Variants in COL11A1 observed in about 807,000 individuals in gnomAD.
COL11A1 encodes collagen type XI alpha 1 chain.
In COL11A1, 74 loss-of-function variants were observed where a neutral mutation model predicts 265.2. The observed-to-expected ratio is 0.28, with a 90% CI of 0.23 to 0.34. The LOEUF (loss-of-function observed/expected upper bound fraction) is 0.34, where lower values mean the gene tolerates loss of function less well. Among genes scored for constraint, COL11A1 ranks in the 10% least tolerant of loss-of-function variants. The probability of loss-of-function intolerance (pLI) is 1.00; values close to 1 mark genes in which losing one functional copy is unlikely to be tolerated. For missense variants in COL11A1, 2,165 were observed against 2,263.6 expected, an observed-to-expected ratio of 0.96 and a Z score of 0.88; for synonymous variants, 816 against 727.6, an observed-to-expected ratio of 1.12 and a Z score of -1.96.
intron 41 of COL11A1, among the ~76,000 whole-genome samples, chr1:102,950,557 A>G (rs1437485717): frequency 6.6e-6 from 1 of 151,704 alleles, no homozygotes; most frequent in Admixed American, 6.6e-5. Context: ...TTTTTACTTT[A>G]TATCTTAGCA....
intron 36 of COL11A1, among the ~76,000 whole-genome samples, chr1:102,970,737 C>T (rs190511697): frequency 7.2e-4 from 110 of 152,062 alleles, no homozygotes; most frequent in Middle Eastern, 3.4e-3. Context: ...AAAAGAAGGC[C>T]GGGCAGGGTG....
chr1:103,064,689 CAAAAAAAAAAGAAAAA>C (rs1308597384), intron 4 of COL11A1, among the ~76,000 whole-genome samples: 1 of 42,850 alleles, frequency 2.3e-5, no homozygotes, highest in Non-Finnish European at 4.9e-5. Context: ...GACTCCATCT[CAAAAAAAAAAGAAAAA>C]AAAAAAAAAA....
intron 1 of COL11A1, among the ~76,000 whole-genome samples, chr1:103,084,706 G>T (rs1672717650): frequency 1.3e-5 from 2 of 151,970 alleles, no homozygotes; most frequent in South Asian, 4.1e-4. Flanking sequence ...TGCAGTTCAA[G>T]TATTATTTTA....
intron 4 of COL11A1, among the ~76,000 whole-genome samples, chr1:103,063,901 T>C (rs527962143): frequency 6.2e-4 from 94 of 152,324 alleles, no homozygotes; most frequent in African/African-American, 2.2e-3. Context: ...ACAAATATGT[T>C]GAACACCTCA....
intron 3 of COL11A1, among the ~76,000 whole-genome samples, chr1:103,076,567 G>A (rs906777832): frequency 2.6e-5 from 4 of 152,000 alleles, no homozygotes; most frequent in Admixed American, 1.3e-4. Context: ...CACCCAGGCA[G>A]GATTGTTCTT....
At chr1:103,091,838 G>A (rs1240263618) in intron 1 of COL11A1, among the ~76,000 whole-genome samples, 1 of 151,970 alleles carries the variant, frequency 6.6e-6, no homozygotes, top group African/African-American at 2.4e-5. Context: ...GCACCAAACT[G>A]AGAATGACAT....
rs1361529219 is a variant in COL11A1, at chr1:103,001,961, A to G, written c.2106T>C (p.Pro702=). The G allele has an allele frequency of 6.2e-7, 1 of 1,613,030 alleles. No individual in the cohort carries two copies. Among genetic ancestry groups the G allele is most frequent in the Non-Finnish European group, 8.5e-7 (1 of 1,179,156 alleles). The part of the protein sequence containing the change: ...QQGNPGPQGL[P]GPQGPIGPPG... ...GAGGACCAATTGGACCTTGTGGACC[A>G]GGAAGACCCTATTTTAAAAGAATTT... is the stretch of plus-strand genomic sequence containing the variant. The change falls in exon 24 of 67, where the codon CCT becomes CCC. Residue 702 remains proline, a synonymous_variant. Transcript: ENST00000370096.
chr1:103,093,738 G>A (rs989512585), intron 1 of COL11A1, among the ~76,000 whole-genome samples: 1 of 152,086 alleles, frequency 6.6e-6, no homozygotes. Flanking sequence ...GCCTTTTAAA[G>A]TTCTTTTGAT....
chr1:102,979,600 G>T (rs1662840705), intron 31 of COL11A1, 165 bp from the exon 32 acceptor site: 1 of 703,692 alleles, frequency 1.4e-6, no homozygotes, highest in Non-Finnish European at 2.6e-6. Context: ...AACTTACAAT[G>T]ACATCTGAAA....
rs542186892 is a variant in COL11A1 at position 103,074,374 on chromosome 1, T to C, written c.651+244A>G. 4.1e-4 allele frequency among the ~76,000 whole-genome samples: 63 copies of C among 152,166 alleles called. 1 individual carries two copies. The highest frequency in any genetic ancestry group is 1.4e-3 in the African/African-American group (59 of 41,540). Reference sequence around the variant, plus strand: ...TTGTCCTTCCCAGGAGAATAGCATGTCTGTGTTCAAATCAACCAATCCCTG... The same window carrying C: ...TTGTCCTTCCCAGGAGAATAGCATGCCTGTGTTCAAATCAACCAATCCCTG... On this transcript the variant is annotated intron_variant, in intron 4 of 66. Transcript: ENST00000370096.
chr1:102,934,629 C>T, intron 45 of COL11A1, 73 bp from the exon 46 acceptor site: 2 of 1,203,726 alleles, frequency 1.7e-6, no homozygotes, highest in African/African-American at 1.5e-5. Flanking sequence ...AAAATGTGGC[C>T]ATTTCTAATT....
chr1:102,921,133 GA>G (rs1655945734), intron 48 of COL11A1, among the ~76,000 whole-genome samples: 1 of 152,120 alleles, frequency 6.6e-6, no homozygotes, highest in Admixed American at 6.6e-5. Flanking sequence ...TATATAGTCT[GA>G]AAATACAAAA....
intron 7 of COL11A1, among the ~76,000 whole-genome samples, chr1:103,023,815 T>A (rs1667300444): frequency 6.6e-6 from 1 of 152,120 alleles, no homozygotes; most frequent in South Asian, 2.1e-4. Flanking sequence ...ATGTAGAGTA[T>A]CTCATATGTA....
intron 2 of COL11A1, among the ~76,000 whole-genome samples, chr1:103,080,523 A>AT (rs1397440793): frequency 6.6e-6 from 1 of 151,906 alleles, no homozygotes; most frequent in Non-Finnish European, 1.5e-5. Context: ...CTGAATAAAC[A>AT]TATCTTGAAG....
At chr1:102,900,984 TA>T (rs1170054177) in intron 54 of COL11A1, among the ~76,000 whole-genome samples, 2 of 152,094 alleles carry the variant, frequency 1.3e-5, no homozygotes, top group African/African-American at 4.8e-5. Flanking sequence ...TAGAAGGTGT[TA>T]AGGTCATGAG....
At chr1:103,046,569 G>A (rs1047760627) in intron 4 of COL11A1, among the ~76,000 whole-genome samples, 2 of 150,982 alleles carry the variant, frequency 1.3e-5, no homozygotes, top group African/African-American at 4.9e-5. Flanking sequence ...TGTTCACTCT[G>A]ATGGTAGTTT....
chr1:102,886,850 T>G lies in COL11A1; in HGVS notation c.4815A>C (p.Arg1605=), dbSNP rs767504542. The G allele has an allele frequency of 6.2e-7, 1 of 1,613,954 alleles. No individual in the cohort carries two copies. ...GGCTGAGTTGCAGGTCTTTACAAGT[T>G]CGGGCTGGATTGGTCTGAGTACCCA... ...FPMGTQTNPA[R]TCKDLQLSHP... The change falls in exon 63 of 67, where the codon CGA becomes CGC. Residue 1605 remains arginine, a synonymous_variant. Transcript: ENST00000370096.
At chr1:102,939,393 A>G (rs1389865285) in intron 43 of COL11A1, among the ~76,000 whole-genome samples, 3 of 152,182 alleles carry the variant, frequency 2.0e-5, no homozygotes, top group African/African-American at 7.2e-5. Flanking sequence ...TAAAATCTAT[A>G]ATTACACATT....
chr1:102,971,026 C>CGAACA (rs1661927452), intron 36 of COL11A1, among the ~76,000 whole-genome samples: 1 of 150,484 alleles, frequency 6.6e-6, no homozygotes, highest in East Asian at 1.9e-4. Flanking sequence ...ACAAAACAAA[C>CGAACA]AAAAAAAAAC....
Sources: gnomAD v4.1 joint callset for allele counts (sites outside exome capture counted in the v4.1 genomes callset) on GRCh38, gnomAD v4.1.1 for gene constraint, MANE v1.5 for transcripts, NCBI Gene and HGNC (gene_info 2026-07-23, HGNC 2026-07-21) for gene names.